Variants in TENM2 observed in about 807,000 individuals in gnomAD.
TENM2 encodes teneurin-2.
In TENM2, 52 loss-of-function variants were observed where a neutral mutation model predicts 245.2. The ratio of observed to expected loss-of-function variants is 0.21; its 90% confidence interval spans 0.17 to 0.27. TENM2 has a LOEUF of 0.27. TENM2 is among the 10% of genes least tolerant of loss of function. The probability of loss-of-function intolerance (pLI) is 1.00; values close to 1 mark genes in which losing one functional copy is unlikely to be tolerated. For synonymous variants in TENM2, 1,363 were observed against 1,438.9 expected (o/e 0.95, Z 1.19); for missense variants, 3,046 against 3,666.8 (o/e 0.83, Z 4.37).
the TENM2 span, among the ~76,000 whole-genome samples, chr5:167,013,045 G>A: frequency 2.0e-5 from 3 of 152,122 alleles, no homozygotes; most frequent in African/African-American, 7.2e-5. Flanking sequence ...GACCTTGTGG[G>A]CTTATGTGAA....
the TENM2 span, among the ~76,000 whole-genome samples, chr5:167,224,668 C>A: frequency 6.6e-6 from 1 of 151,848 alleles, no homozygotes; most frequent in Admixed American, 6.6e-5. Flanking sequence ...TTTGGCTATT[C>A]TGGCTATTTA....
chr5:168,123,307 A>G (rs1173593679), intron 10 of TENM2, among the ~76,000 whole-genome samples: 2 of 152,182 alleles, frequency 1.3e-5, no homozygotes, highest in Non-Finnish European at 2.9e-5. Context: ...TCAGAAAACA[A>G]ACAAACAAAC....
intron 2 of TENM2, among the ~76,000 whole-genome samples, chr5:167,829,762 T>C (rs974855375): frequency 6.6e-6 from 1 of 152,116 alleles, no homozygotes; most frequent in African/African-American, 2.4e-5. Context: ...TAGAATCCAG[T>C]TGGTCTGATA....
At chr5:167,747,391 T>C (rs1761665017) in intron 2 of TENM2, among the ~76,000 whole-genome samples, 1 of 152,196 alleles carries the variant, frequency 6.6e-6, no homozygotes, top group Admixed American at 6.5e-5. Flanking sequence ...TAACCTCATA[T>C]ATCAATTCTC....
intron 25 of TENM2, among the ~76,000 whole-genome samples, chr5:168,231,657 T>C (rs111963719): frequency 6.6e-6 from 1 of 150,734 alleles, no homozygotes; most frequent in Non-Finnish European, 1.5e-5. Flanking sequence ...CCCAACACTT[T>C]GGGAGGCCAA....
At chr5:167,474,572 G>T (rs1177342858) in intron 2 of TENM2, among the ~76,000 whole-genome samples, 1 of 151,396 alleles carries the variant, frequency 6.6e-6, no homozygotes, top group East Asian at 1.9e-4. Context: ...GGAGTGCAGT[G>T]GCGTGATCAT....
the TENM2 span, among the ~76,000 whole-genome samples, chr5:167,044,859 T>C: frequency 2.0e-5 from 3 of 152,306 alleles, no homozygotes; most frequent in African/African-American, 7.2e-5. Flanking sequence ...CTTGTGCAGA[T>C]ACTTATTGCA....
chr5:167,831,470 C>CA (rs1768480730), intron 2 of TENM2, among the ~76,000 whole-genome samples: 1 of 133,588 alleles, frequency 7.5e-6, no homozygotes, highest in Non-Finnish European at 1.6e-5. Context: ...AAATCAGCTG[C>CA]AAAAGAGTTC....
the TENM2 span, among the ~76,000 whole-genome samples, chr5:167,032,330 G>A: frequency 6.6e-6 from 1 of 152,126 alleles, no homozygotes; most frequent in Non-Finnish European, 1.5e-5. Flanking sequence ...ACGATTCAGT[G>A]GGATACATGT....
chr5:167,646,147 T>C (rs1779916086), intron 2 of TENM2, among the ~76,000 whole-genome samples: 1 of 123,402 alleles, frequency 8.1e-6, no homozygotes, highest in East Asian at 2.2e-4. Context: ...TATATATATA[T>C]GTTGTTTTCA....
At chr5:166,980,507 T>C in the TENM2 span, among the ~76,000 whole-genome samples, 2 of 152,248 alleles carry the variant, frequency 1.3e-5, no homozygotes, top group East Asian at 1.9e-4. Context: ...ACAACAGCTC[T>C]TTAATGCATT....
chr5:168,024,355 C>G (rs1786423332), intron 5 of TENM2, among the ~76,000 whole-genome samples: 3 of 152,160 alleles, frequency 2.0e-5, no homozygotes, highest in Admixed American at 6.5e-5. Context: ...GTATCGCCAG[C>G]CACTCAAGGG....
At chr5:167,399,505 T>A (rs912891929) in intron 2 of TENM2, among the ~76,000 whole-genome samples, 3 of 152,100 alleles carry the variant, frequency 2.0e-5, no homozygotes, top group Admixed American at 6.6e-5. Context: ...TTTCACAAAA[T>A]CCCTGCCCCC....
chr5:168,094,683 C>T (rs1793215379), intron 8 of TENM2, among the ~76,000 whole-genome samples: 1 of 151,310 alleles, frequency 6.6e-6, no homozygotes, highest in African/African-American at 2.4e-5. Flanking sequence ...TCATGGGGGA[C>T]AGTAATAGAT....
chr5:167,797,643 A>G (rs1583033868), intron 2 of TENM2, among the ~76,000 whole-genome samples: 1 of 152,146 alleles, frequency 6.6e-6, no homozygotes, highest in Non-Finnish European at 1.5e-5. Flanking sequence ...ACAAAAAAAT[A>G]TGTTCCTTTC....
intron 2 of TENM2, among the ~76,000 whole-genome samples, chr5:167,471,077 T>C (rs965591895): frequency 6.6e-6 from 1 of 152,348 alleles, no homozygotes; most frequent in Non-Finnish European, 1.5e-5. Context: ...TCTGAAATCC[T>C]GAATCTGCAA....
At chr5:167,294,815 T>A (rs754927567) in intron 1 of TENM2, among the ~76,000 whole-genome samples, 7 of 152,232 alleles carry the variant, frequency 4.6e-5, no homozygotes, top group Non-Finnish European at 1.0e-4. Flanking sequence ...TTATTTTATA[T>A]GCCAAACCTC....
intron 7 of TENM2, among the ~76,000 whole-genome samples, chr5:168,066,522 C>T (rs554047385): frequency 1.3e-4 from 20 of 152,192 alleles, no homozygotes; most frequent in Middle Eastern, 3.2e-3. Flanking sequence ...GTACCAATTA[C>T]ACTGCTACTC....
the TENM2 span, among the ~76,000 whole-genome samples, chr5:167,088,662 T>C: frequency 2.6e-5 from 4 of 151,544 alleles, no homozygotes; most frequent in African/African-American, 9.7e-5. Context: ...AAAAAAACAG[T>C]TAGAAAGCTA....
Sources: gnomAD v4.1 joint callset for allele counts (sites outside exome capture counted in the v4.1 genomes callset) on GRCh38, gnomAD v4.1.1 for gene constraint, MANE v1.5 for transcripts, NCBI Gene and HGNC (gene_info 2026-07-23, HGNC 2026-07-21) for gene names.